The following RALGAPB variants were observed in gnomAD, a reference collection of about 807,000 sequenced individuals.
RALGAPB encodes the protein Ral GTPase activating protein non-catalytic subunit beta, also known as ral GTPase-activating protein subunit beta.
In RALGAPB, 25 loss-of-function variants were observed where a neutral mutation model predicts 161.1. The ratio of observed to expected loss-of-function variants is 0.16; its 90% CI spans 0.11 to 0.22. The LOEUF is 0.22. RALGAPB is among the 10% of genes least tolerant of loss of function. The pLI, the probability that RALGAPB is intolerant of heterozygous loss-of-function variation, is 1.00. For missense variants in RALGAPB, 1,391 were observed against 1,815.2 expected, an observed-to-expected ratio of 0.77 and a Z score of 4.25; for synonymous variants, 629 against 626.1, an observed-to-expected ratio of 1.00 and a Z score of -0.07.
At chr20:38,510,297 C>T (rs889811159) in intron 6 of RALGAPB, among the ~76,000 whole-genome samples, 5 of 152,156 alleles carry the variant, frequency 3.3e-5, no homozygotes, top group South Asian at 2.1e-4. Context: ...ATCGAGCCAC[C>T]GCACCCAGCC....
At chr20:38,473,548 G>C (rs1249494718) in intron 1 of RALGAPB, among the ~76,000 whole-genome samples, 1 of 152,156 alleles carries the variant, frequency 6.6e-6, no homozygotes, top group African/African-American at 2.4e-5. Context: ...AGGCCATTAC[G>C]TTCTCCACGT....
rs529404911 is a variant in RALGAPB at position 38,498,744 on chromosome 20, C to G, written c.554-703C>G. Reference sequence around the variant, plus strand: ...CGGTGTAAAGACCACTGCTGTTTTTCCACCTGGTTCCAGGGCTTAGAACAG... The same window carrying G: ...CGGTGTAAAGACCACTGCTGTTTTTGCACCTGGTTCCAGGGCTTAGAACAG... On this transcript the variant is annotated intron_variant, in intron 4 of 29. Transcript: ENST00000262879. 2.0e-5 allele frequency among the ~76,000 whole-genome samples: 3 copies of G among 152,336 alleles called. No individual in the cohort carries two copies. In the East Asian group the frequency reaches 5.8e-4, roughly 29 times the overall value.
rs1568903092 is a variant in RALGAPB at position 38,488,469 on chromosome 20, C to G, written c.37C>G (p.Gln13Glu). The G allele has an allele frequency of 6.2e-7, 1 of 1,614,100 alleles. No individual in the cohort carries two copies. The highest frequency in any genetic ancestry group is 2.2e-5 in the East Asian group (1 of 44,880). ...GTGGAGGTCACTGCATTTGGTGATT[C>G]AGAATGATCAAGGCCATACCAGTGT... is the stretch of plus-strand genomic sequence containing the variant. ...SEWRSLHLVI[Q>E]NDQGHTSVLH... The change falls in exon 2 of 30, where the codon CAG (glutamine) becomes GAG (glutamate). Residue 13 changes from glutamine to glutamate, a missense_variant. This residue lies in a region of RALGAPB where 946 missense variants were observed against 1,257.2 expected (regional missense o/e 0.75). Coordinates refer to ENST00000262879, the MANE Select transcript of RALGAPB (RefSeq NM_020336.4).
At chr20:38,480,958 G>C (rs1357076456) in intron 1 of RALGAPB, among the ~76,000 whole-genome samples, 3 of 150,312 alleles carry the variant, frequency 2.0e-5, no homozygotes, top group Non-Finnish European at 4.4e-5. Context: ...GGATGGTCTT[G>C]ATCTCCTGAC....
chr20:38,570,863 T>A lies in RALGAPB; in HGVS notation c.4142+16T>A. 1 of 1,535,828 alleles carries A rather than the reference T, an allele frequency of 6.5e-7. No individual in the cohort carries two copies. ...CTTCACTGAGGTACACTCTATTTGC[T>A]TGAAGTTCATCAGCGTGTCTTTTTT... On this transcript the variant is annotated intron_variant, in intron 28 of 29. Coordinates refer to ENST00000262879, the MANE Select transcript of RALGAPB (RefSeq NM_020336.4).
intron 19 of RALGAPB, 192 bp downstream of exon 19, chr20:38,546,622 T>A: frequency 1.5e-6 from 1 of 654,336 alleles, no homozygotes; most frequent in Non-Finnish European, 2.5e-6. Flanking sequence ...TAGAGTCTTT[T>A]AAAGGCTCTT....
rs1332315791 is a variant in RALGAPB at position 38,480,472 on chromosome 20, C to T, written c.-31+7403C>T. 8.7e-5 allele frequency among the ~76,000 whole-genome samples: 13 copies of T among 150,062 alleles called. No individual in the cohort carries two copies. In the East Asian group the frequency reaches 1.6e-3, roughly 18 times the overall value. ...CGTGATCTTGGCTCATTGCAACCTC[C>T]GCCTCCTGGGTTCAAGCGATTCCTC... On this transcript the variant is annotated intron_variant, in intron 1 of 29. Transcript: ENST00000262879.
chr20:38,566,693 A>G (rs907430036), intron 25 of RALGAPB, among the ~76,000 whole-genome samples: 1 of 152,236 alleles, frequency 6.6e-6, no homozygotes, highest in Admixed American at 6.5e-5. Flanking sequence ...ACAATGCTAC[A>G]TGATTGAATA....
At chr20:38,566,774 C>G (rs2145513024) in intron 25 of RALGAPB, among the ~76,000 whole-genome samples, 1 of 152,298 alleles carries the variant, frequency 6.6e-6, no homozygotes, top group Non-Finnish European at 1.5e-5. Flanking sequence ...CAAATATTTT[C>G]TAGTCTTATT....
At chr20:38,573,997 T>C in intron 28 of RALGAPB, 153 bp from the exon 29 acceptor site, 1 of 611,234 alleles carries the variant, frequency 1.6e-6, no homozygotes, top group South Asian at 3.3e-5. Context: ...GAAAGCAGAT[T>C]CTGAGCACAC....
chr20:38,514,772 G>T (rs549664893), intron 6 of RALGAPB, among the ~76,000 whole-genome samples: 1 of 152,310 alleles, frequency 6.6e-6, no homozygotes, highest in South Asian at 2.1e-4. Flanking sequence ...GGCCCCATCT[G>T]GAGATTGTTT....
chr20:38,546,633 G>A (rs756751759), intron 19 of RALGAPB: 7 of 603,480 alleles, frequency 1.2e-5, no homozygotes, highest in Non-Finnish European at 2.0e-5. Context: ...AAAGGCTCTT[G>A]ATGTGCATCT....
intron 27 of RALGAPB, 86 bp from the exon 28 acceptor site, chr20:38,570,682 TG>T: frequency 2.5e-6 from 2 of 816,158 alleles, no homozygotes; most frequent in Non-Finnish European, 4.2e-6. Context: ...CACTCACTTA[TG>T]TAAAGCGATT....
chr20:38,571,878 GT>G (rs894312821), intron 28 of RALGAPB, among the ~76,000 whole-genome samples: 1 of 151,982 alleles, frequency 6.6e-6, no homozygotes, highest in East Asian at 1.9e-4. Flanking sequence ...TTTTCTTTTG[GT>G]TTTTTTGAAA....
intron 13 of RALGAPB, 106 bp downstream of exon 13, chr20:38,526,148 T>G: frequency 3.2e-6 from 4 of 1,252,730 alleles, no homozygotes; most frequent in Non-Finnish European, 4.5e-6. Context: ...AATGTAGCTC[T>G]ACTTACTCTG....
chr20:38,518,404 A>T (rs73905629), intron 9 of RALGAPB, among the ~76,000 whole-genome samples: 1 of 152,222 alleles, frequency 6.6e-6, no homozygotes, highest in African/African-American at 2.4e-5. Flanking sequence ...TCATTAGTAT[A>T]TGTAAACATC....
intron 3 of RALGAPB, among the ~76,000 whole-genome samples, chr20:38,496,984 T>C (rs991331199): frequency 2.0e-5 from 3 of 152,224 alleles, no homozygotes; most frequent in Non-Finnish European, 4.4e-5. Flanking sequence ...TGCTTCAATG[T>C]GAGCAGCAAG....
At chr20:38,557,696 T>C (rs796216582) in intron 22 of RALGAPB, among the ~76,000 whole-genome samples, 9 of 152,380 alleles carry the variant, frequency 5.9e-5, no homozygotes, top group African/African-American at 1.9e-4. Context: ...ATTTAATGTG[T>C]CTTTTTGGGT....
chr20:38,570,034 A>G (rs775929953), intron 27 of RALGAPB, 38 bp downstream of exon 27: 55 of 1,519,136 alleles, frequency 3.6e-5, no homozygotes, highest in East Asian at 1.8e-4. Context: ...TAAAATGGCA[A>G]TATATGACAG....
Sources: allele counts gnomAD v4.1 joint callset (sites outside exome capture counted in the v4.1 genomes callset), GRCh38; gene constraint gnomAD v4.1.1; regional missense constraint gnomAD v4.1.1; transcripts MANE v1.5; gene names NCBI Gene and HGNC (gene_info 2026-07-23, HGNC 2026-07-21).